The following C20orf203 variants were observed in gnomAD, a reference collection of about 807,000 sequenced individuals.
The protein encoded by C20orf203 is chromosome 20 open reading frame 203.
In C20orf203, 16 loss-of-function variants were observed where a neutral mutation model predicts 15.9. That is an observed-to-expected ratio of 1.01 (90% CI 0.68 to 1.53). The LOEUF is 1.53. Among genes scored for constraint, C20orf203 ranks in the 40% most tolerant of loss-of-function variants. C20orf203 has a pLI of 0.00. For missense variants in C20orf203, 263 were observed against 247.5 expected (o/e 1.06, Z -0.42); for synonymous variants, 98 against 97.2 (o/e 1.01, Z -0.05).
intron 5 of C20orf203, among the ~76,000 whole-genome samples, chr20:32,637,884 G>A (rs527731747): frequency 1.5e-4 from 23 of 152,156 alleles, no homozygotes; most frequent in Non-Finnish European, 2.8e-4. Context: ...GTGTGTGGGT[G>A]TAGGTGTGTG....
intron 5 of C20orf203, among the ~76,000 whole-genome samples, chr20:32,635,184 A>AC (rs1218739088): frequency 6.6e-6 from 1 of 150,768 alleles, no homozygotes; most frequent in Non-Finnish European, 1.5e-5. Context: ...ATAGAGTGAG[A>AC]CCGTGTCTCA....
intron 1 of C20orf203, among the ~76,000 whole-genome samples, chr20:32,661,516 C>A (rs78078014): frequency 0.02 from 3,028 of 152,224 alleles, 112 homozygotes; most frequent in African/African-American, 0.068. Flanking sequence ...ACCCCTGAAC[C>A]CTGAACACAA....
intron 1 of C20orf203, among the ~76,000 whole-genome samples, chr20:32,661,199 T>C (rs1982882877): frequency 6.6e-6 from 1 of 152,194 alleles, no homozygotes; most frequent in Non-Finnish European, 1.5e-5. Flanking sequence ...CCACCTGTTC[T>C]CCACTCATTC....
At chr20:32,638,499 C>A (rs929119416) in intron 5 of C20orf203, among the ~76,000 whole-genome samples, 4 of 152,150 alleles carry the variant, frequency 2.6e-5, no homozygotes, top group Non-Finnish European at 5.9e-5. Flanking sequence ...AGGTGGTCTG[C>A]TGAGATTTAC....
chr20:32,646,453 G>A lies in C20orf203; in HGVS notation c.*1177+2802C>T, dbSNP rs6058779. ...ACTCCTGGCCTCAAGTGATCCACCC[G>A]CCTTGGCCTCCCAAAGTGCTGGGAT... is the stretch of plus-strand genomic sequence containing the variant. On this transcript the variant is annotated intron_variant, in intron 4 of 5. Transcript: ENST00000608990. Among the ~76,000 whole-genome samples the A allele has an allele frequency of 4.9e-3, 751 of 152,110 alleles. 5 individuals carry two copies. Among genetic ancestry groups the A allele is most frequent in the African/African-American group, 0.017 (688 of 41,490 alleles).
At position 32,632,183 on chromosome 20, in the gene C20orf203, G is replaced by A. The variant is rs987303330; in HGVS notation, c.*3387C>T. 5 of 152,226 alleles carry A rather than the reference G, an allele frequency of 3.3e-5. No individual in the cohort carries two copies. The highest frequency in any genetic ancestry group is 1.2e-4 in the African/African-American group (5 of 41,438). 9.4% of individuals were successfully genotyped at this position (152,226 alleles called of 1,614,324 possible). A position where few individuals can be genotyped will look rare whatever the true frequency, so the allele number is the denominator to read the frequency against. On this transcript the variant is annotated 3_prime_UTR_variant, in exon 6 of 6. Transcript: ENST00000608990. ...GCCTCACAAATACCGCACTGGGGGA[G>A]GCAACAGCCCGTCTGTGCCCCTGCA...
chr20:32,669,157 A>G (rs1983103586), intron 1 of C20orf203, among the ~76,000 whole-genome samples: 1 of 152,148 alleles, frequency 6.6e-6, no homozygotes, highest in South Asian at 2.1e-4. Flanking sequence ...CCTCTGCCCA[A>G]CTTGCTCTGT....
At chr20:32,662,347 C>T (rs1600939459) in intron 1 of C20orf203, among the ~76,000 whole-genome samples, 1 of 152,086 alleles carries the variant, frequency 6.6e-6, no homozygotes, top group East Asian at 1.9e-4. Flanking sequence ...ACCTGTAATC[C>T]CAGCACTTTG....
In C20orf203 at chr20:32,653,569, G is replaced by A. The variant is rs115139939; in HGVS notation, c.-263-1588C>T. Among the ~76,000 whole-genome samples the A allele has an allele frequency of 4.0e-3, 607 of 152,216 alleles. 6 individuals carry two copies. The highest frequency in any genetic ancestry group is 0.014 in the African/African-American group (571 of 41,508). On this transcript the variant is annotated intron_variant, in intron 1 of 5. Coordinates refer to ENST00000608990, the MANE Select transcript of C20orf203 (RefSeq NM_182584.4). ...GAGGGTGTAAACCAGCCAATCTTTC[G>A]GGGAGTTCTAAGAAGAGTGTTCCTA... is the stretch of plus-strand genomic sequence containing the variant.
At chr20:32,652,094 A>C (rs575890660) in intron 1 of C20orf203, 113 bp from the exon 2 acceptor site, 1 of 152,288 alleles carries the variant, frequency 6.6e-6, no homozygotes, top group Admixed American at 6.5e-5. Flanking sequence ...GGATCACTTG[A>C]GATCAGGAGT....
At chr20:32,651,506 G>A (rs900728415) in intron 2 of C20orf203, among the ~76,000 whole-genome samples, 5 of 152,170 alleles carry the variant, frequency 3.3e-5, no homozygotes, top group African/African-American at 9.7e-5. Context: ...ACCAACCAAC[G>A]TGACCTCAGG....
chr20:32,663,871 C>T lies in C20orf203; in HGVS notation c.-264+9761G>A, dbSNP rs553743110. ...GACACTGCCCTCAAGGAATCCAACC[C>T]CTGCCCGGGGCCCTCTGGAGGGTCA... On this transcript the variant is annotated intron_variant, in intron 1 of 5. Coordinates refer to ENST00000608990, the MANE Select transcript of C20orf203 (RefSeq NM_182584.4). Among the ~76,000 whole-genome samples the T allele has an allele frequency of 7.9e-5, 12 of 152,374 alleles. No individual in the cohort carries two copies. The South Asian group carries it at 2.3e-3, about 29-fold the overall frequency.
At chr20:32,659,869 T>C (rs912921771) in intron 1 of C20orf203, among the ~76,000 whole-genome samples, 1 of 152,232 alleles carries the variant, frequency 6.6e-6, no homozygotes, top group Non-Finnish European at 1.5e-5. Flanking sequence ...TTAATAATAA[T>C]AGATAATAGC....
At chr20:32,659,647 G>T (rs1011006047) in intron 1 of C20orf203, among the ~76,000 whole-genome samples, 1 of 152,224 alleles carries the variant, frequency 6.6e-6, no homozygotes, top group Non-Finnish European at 1.5e-5. Context: ...ATTCTGCCAG[G>T]ATCCCAGGAA....
intron 1 of C20orf203, among the ~76,000 whole-genome samples, chr20:32,667,023 G>T (rs540972922): frequency 6.6e-6 from 1 of 151,518 alleles, no homozygotes; most frequent in East Asian, 1.9e-4. Flanking sequence ...TTAATGAGAT[G>T]ATTTACATCC....
intron 5 of C20orf203, among the ~76,000 whole-genome samples, chr20:32,639,667 GACA>G (rs1982229551): frequency 6.7e-6 from 1 of 149,794 alleles, no homozygotes; most frequent in Non-Finnish European, 1.5e-5. Flanking sequence ...GATTAAAGGA[GACA>G]ACAAGAGCTG....
In C20orf203 at chr20:32,637,655, T is replaced by G. The variant is rs910579747; in HGVS notation, c.*1299+2911A>C. On this transcript the variant is annotated intron_variant, in intron 5 of 5. Coordinates refer to ENST00000608990, the MANE Select transcript of C20orf203 (RefSeq NM_182584.4). Reference sequence around the variant, plus strand: ...CTAGGGTCCGTCTCTTGGACTACAGTGTCAGCTCCACATGGGCAGGGGTTT... The same window carrying G: ...CTAGGGTCCGTCTCTTGGACTACAGGGTCAGCTCCACATGGGCAGGGGTTT... 2.0e-5 allele frequency among the ~76,000 whole-genome samples: 3 copies of G among 152,188 alleles called. No homozygotes were observed. The East Asian group carries it at 5.8e-4, about 29-fold the overall frequency.
intron 1 of C20orf203, among the ~76,000 whole-genome samples, chr20:32,673,333 C>A (rs942108444): frequency 6.6e-6 from 1 of 152,156 alleles, no homozygotes; most frequent in Non-Finnish European, 1.5e-5. Context: ...GGAGGTGTCT[C>A]AGCCCCCGTA....
Position 32,648,428 on chromosome 20 carries a change from C to CTT in C20orf203, c.*1177+825_*1177+826dup, listed in dbSNP as rs56838832. 1.4e-3 allele frequency among the ~76,000 whole-genome samples: 109 copies of CTT among 80,396 alleles called. 9 individuals carry two copies. Among genetic ancestry groups the CTT allele is most frequent in the East Asian group, 2.5e-3 (6 of 2,400 alleles). The allele number at this position is 80,396 out of a possible 152,430, so 52.7% of individuals were successfully genotyped here. On this transcript the variant is annotated intron_variant, in intron 4 of 5. Transcript: ENST00000608990. ...GGCACTAACCATTGCCTGAAACTGT[C>CTT]TTTTTTTTTTTTTTTTTTTTTTTTT...
Sources: gnomAD v4.1 joint callset for allele counts (sites outside exome capture counted in the v4.1 genomes callset) on GRCh38, gnomAD v4.1.1 for gene constraint, MANE v1.5 for transcripts, NCBI Gene and HGNC (gene_info 2026-07-23, HGNC 2026-07-21) for gene names.